HOPX: variants seen among roughly 807,000 people sequenced by gnomAD.
HOPX encodes the protein HOP homeobox.
In HOPX, 5 loss-of-function variants were observed where a neutral mutation model predicts 11.8. The ratio of observed to expected loss-of-function variants is 0.43; its 90% confidence interval spans 0.22 to 0.89. The LOEUF (loss-of-function observed/expected upper bound fraction) is 0.89, where lower values mean the gene tolerates loss of function less well. HOPX is among the 40% of genes least tolerant of loss of function. The pLI, the probability that HOPX is intolerant of heterozygous loss-of-function variation, is 0.28. For synonymous variants in HOPX, 49 were observed against 49.7 expected, an observed-to-expected ratio of 0.99 and a Z score of 0.06; for missense variants, 119 against 120.0, an observed-to-expected ratio of 0.99 and a Z score of 0.04.
intron 2 of HOPX, among the ~76,000 whole-genome samples, chr4:56,656,858 C>T (rs558129275): frequency 3.9e-4 from 59 of 152,270 alleles, no homozygotes; most frequent in African/African-American, 1.3e-3. Flanking sequence ...CCACAATTTA[C>T]GGCAAAGAGC....
rs1257146896 is a variant in HOPX at position 56,648,539 on chromosome 4, T to C, written c.*181A>G. ...CACAGAAGATACACATAGCTTCCTA[T>C]TGTTATTTTCTTTTCTAATTATGTA... On this transcript the variant is annotated 3_prime_UTR_variant, in exon 4 of 4. Transcript: ENST00000420433. The C allele has an allele frequency of 4.5e-6, 2 of 448,908 alleles. No homozygotes were observed. The highest frequency in any genetic ancestry group is 4.0e-6 in the Non-Finnish European group (1 of 248,174). 27.8% of individuals were successfully genotyped at this position (448,908 alleles called of 1,614,324 possible).
chr4:56,656,310 G>A (rs2109484077), intron 2 of HOPX: 1 of 1,108,194 alleles, frequency 9.0e-7, no homozygotes, highest in African/African-American at 1.6e-5. Flanking sequence ...CTGCGACGGG[G>A]GCGAGATAGA....
chr4:56,667,904 A>G (rs958003210), intron 1 of HOPX, among the ~76,000 whole-genome samples: 3 of 152,188 alleles, frequency 2.0e-5, no homozygotes, highest in Non-Finnish European at 4.4e-5. Context: ...GACACTTCTG[A>G]TGTACGCCTG....
intron 1 of HOPX, among the ~76,000 whole-genome samples, chr4:56,674,737 T>C (rs1718912504): frequency 6.7e-6 from 1 of 150,328 alleles, no homozygotes; most frequent in African/African-American, 2.5e-5. Context: ...TTAACTTCTC[T>C]ACTTTTTATT....
chr4:56,670,735 G>A (rs1197229956), intron 1 of HOPX, among the ~76,000 whole-genome samples: 1 of 152,112 alleles, frequency 6.6e-6, no homozygotes, highest in Non-Finnish European at 1.5e-5. Context: ...AGTGGCTCAC[G>A]CCTGTAATCC....
At chr4:56,676,114 T>C (rs189837179) in intron 1 of HOPX, among the ~76,000 whole-genome samples, 104 of 151,514 alleles carry the variant, frequency 6.9e-4, no homozygotes, top group Admixed American at 1.9e-3. Context: ...CTTGGCAACA[T>C]GGTGAAACCC....
At chr4:56,651,602 T>G (rs935512163) in intron 3 of HOPX, among the ~76,000 whole-genome samples, 2 of 152,284 alleles carry the variant, frequency 1.3e-5, no homozygotes, top group South Asian at 4.1e-4. Context: ...CAGATGATAA[T>G]TAGACACTGT....
At chr4:56,681,020 C>T in intron 1 of HOPX, 1 of 985,344 alleles carries the variant, frequency 1.0e-6, no homozygotes, top group Non-Finnish European at 1.2e-6. Context: ...AACACCAACT[C>T]CCCTTCCTCC....
Position 56,648,812 on chromosome 4 carries a change from T to C in HOPX, c.199-15A>G, listed in dbSNP as rs774806342. The C allele has an allele frequency of 1.2e-6, 2 of 1,600,506 alleles. No individual in the cohort carries two copies. Among genetic ancestry groups the C allele is most frequent in the Admixed American group, 1.7e-5 (1 of 59,324 alleles). ...TTAAACCATTTCTGGAAGAGAGAAA[T>C]GAGAAAAAATATTTGTCACATACAG... On this transcript the variant is annotated splice_polypyrimidine_tract_variant and intron_variant, in intron 3 of 3. Coordinates refer to ENST00000420433, the MANE Select transcript of HOPX (RefSeq NM_032495.6).
In HOPX at chr4:56,655,536, G is replaced by T. The variant is rs191603478; in HGVS notation, c.198+321C>A. Among the ~76,000 whole-genome samples, 561 of 152,328 alleles carry T rather than the reference G, an allele frequency of 3.7e-3. 2 individuals carry two copies. Among genetic ancestry groups the T allele is most frequent in the African/African-American group, 0.011 (458 of 41,566 alleles). On this transcript the variant is annotated intron_variant, in intron 3 of 3. Coordinates refer to ENST00000420433, the MANE Select transcript of HOPX (RefSeq NM_032495.6). Reference sequence around the variant, plus strand: ...AGGCGAGAGACGCTGCTCCCAACTCGCAGAGGGAGAAAGCGTGTATCCCGG... The same window carrying T: ...AGGCGAGAGACGCTGCTCCCAACTCTCAGAGGGAGAAAGCGTGTATCCCGG...
At chr4:56,654,104 C>A (rs1717458959) in intron 3 of HOPX, among the ~76,000 whole-genome samples, 1 of 152,190 alleles carries the variant, frequency 6.6e-6, no homozygotes, top group Non-Finnish European at 1.5e-5. Flanking sequence ...TTCCAGGGTT[C>A]AAATCCTGGT....
chr4:56,676,348 G>A (rs1719017516), intron 1 of HOPX, among the ~76,000 whole-genome samples: 1 of 151,484 alleles, frequency 6.6e-6, no homozygotes, highest in South Asian at 2.1e-4. Context: ...AAATTAAGCT[G>A]AGTTAGGTCA....
chr4:56,660,119 C>T (rs2109499919), intron 1 of HOPX, among the ~76,000 whole-genome samples: 1 of 152,326 alleles, frequency 6.6e-6, no homozygotes, highest in South Asian at 2.1e-4. Flanking sequence ...TCCAGTTCAT[C>T]ACACACATTT....
rs921058742 is a variant in HOPX at position 56,677,251 on chromosome 4, AC to A, written c.-84+4003del. Reference sequence around the variant, plus strand: ...TAGAAAAAACAATCTAACAGGGCCCACAACCTATAGATGGTTGCCTACTGGA... The same window carrying A: ...TAGAAAAAACAATCTAACAGGGCCCAAACCTATAGATGGTTGCCTACTGGA... On this transcript the variant is annotated intron_variant, in intron 1 of 3. Coordinates refer to ENST00000420433, the MANE Select transcript of HOPX (RefSeq NM_032495.6). 7.9e-5 allele frequency among the ~76,000 whole-genome samples: 12 copies of A among 151,890 alleles called. 1 individual carries two copies. Among genetic ancestry groups the A allele is most frequent in the African/African-American group, 2.9e-4 (12 of 41,142 alleles).
intron 3 of HOPX, among the ~76,000 whole-genome samples, chr4:56,651,886 G>T (rs989591249): frequency 1.5e-4 from 23 of 149,784 alleles, no homozygotes; most frequent in African/African-American, 4.8e-4. Flanking sequence ...GTGTGTGTGT[G>T]TGTGTGTGTG....
chr4:56,661,265 C>A (rs1046727943), intron 1 of HOPX, among the ~76,000 whole-genome samples: 12 of 152,160 alleles, frequency 7.9e-5, no homozygotes, highest in Admixed American at 6.5e-5. Flanking sequence ...CAGAACAAAT[C>A]CACATTCTGC....
intron 1 of HOPX, among the ~76,000 whole-genome samples, chr4:56,670,911 C>T (rs756384725): frequency 1.1e-4 from 16 of 151,452 alleles, no homozygotes; most frequent in Non-Finnish European, 2.2e-4. Flanking sequence ...GTAGGAGAAT[C>T]GCTTGAACCC....
intron 1 of HOPX, among the ~76,000 whole-genome samples, chr4:56,677,825 G>C (rs1404305912): frequency 6.6e-6 from 1 of 151,578 alleles, no homozygotes; most frequent in Non-Finnish European, 1.5e-5. Context: ...AAAGACCCTG[G>C]ACTGCCAGAT....
chr4:56,653,396 T>C (rs922339121), intron 3 of HOPX, among the ~76,000 whole-genome samples: 4 of 152,060 alleles, frequency 2.6e-5, no homozygotes, highest in African/African-American at 9.7e-5. Context: ...TTTAAAAATA[T>C]AAATGTTGTT....
Sources: allele counts gnomAD v4.1 joint callset (sites outside exome capture counted in the v4.1 genomes callset), GRCh38; gene constraint gnomAD v4.1.1; transcripts MANE v1.5; gene names NCBI Gene and HGNC (gene_info 2026-07-23, HGNC 2026-07-21).